The following C4orf51 variants were observed in gnomAD, a reference collection of about 807,000 sequenced individuals.
C4orf51 encodes the protein chromosome 4 open reading frame 51, also known as uncharacterized protein C4orf51.
Under a neutral mutation model 25.2 loss-of-function variants are expected in C4orf51, and 25 were observed. The observed-to-expected ratio is 0.99, with a 90% CI of 0.72 to 1.39. The LOEUF is 1.39. Among genes scored for constraint, C4orf51 ranks in the 40% most tolerant of loss-of-function variants. The probability of loss-of-function intolerance (pLI) is 0.00; values close to 1 mark genes in which losing one functional copy is unlikely to be tolerated. For missense variants in C4orf51, 252 were observed against 239.6 expected (o/e 1.05, Z -0.34); for synonymous variants, 100 against 84.5 (o/e 1.18, Z -1.01).
At chr4:145,769,074 A>G (rs1380407275) in intron 1 of C4orf51, among the ~76,000 whole-genome samples, 1 of 151,248 alleles carries the variant, frequency 6.6e-6, no homozygotes, top group Non-Finnish European at 1.5e-5. Flanking sequence ...AGAAATATGT[A>G]CCCACTTACA....
intron 2 of C4orf51, among the ~76,000 whole-genome samples, chr4:145,710,730 T>C (rs1425285945): frequency 6.6e-6 from 1 of 152,040 alleles, no homozygotes; most frequent in African/African-American, 2.4e-5. Flanking sequence ...ATTATTATTT[T>C]AGAGAGACAG....
chr4:145,735,247 T>C (rs6823985), downstream of C4orf51, among the ~76,000 whole-genome samples: 18,325 of 152,056 alleles, frequency 0.12, 1,444 homozygotes, highest in East Asian at 0.38. Flanking sequence ...GAAAAGATTG[T>C]CAGATGCCAG....
chr4:145,787,693 AT>A, the C4orf51 span, among the ~76,000 whole-genome samples: 4 of 152,014 alleles, frequency 2.6e-5, no homozygotes, highest in Non-Finnish European at 5.9e-5. Context: ...GTCTCCAAAA[AT>A]TTTTATTAAT....
intron 2 of C4orf51, among the ~76,000 whole-genome samples, chr4:145,726,592 G>T (rs1295337589): frequency 6.6e-6 from 1 of 152,024 alleles, no homozygotes; most frequent in Non-Finnish European, 1.5e-5. Context: ...TATTTGTAGA[G>T]ACGGGGGTCT....
At chr4:145,683,848 A>C (rs1311334974) in intron 1 of C4orf51, among the ~76,000 whole-genome samples, 1 of 152,228 alleles carries the variant, frequency 6.6e-6, no homozygotes, top group Non-Finnish European at 1.5e-5. Context: ...TGGCAATGAT[A>C]TTTTAGATAC....
intron 1 of C4orf51, chr4:145,764,662 C>T (rs1291288902): frequency 3.0e-6 from 1 of 328,076 alleles, no homozygotes; most frequent in Non-Finnish European, 5.7e-6. Flanking sequence ...GACACTAAGC[C>T]CTGAGTCCAT....
intron 1 of C4orf51, among the ~76,000 whole-genome samples, chr4:145,749,721 A>C (rs1326743877): frequency 2.6e-5 from 4 of 151,498 alleles, no homozygotes; most frequent in Non-Finnish European, 5.9e-5. Context: ...GCAACCTCCA[A>C]CTCCCGGGTT....
rs144958102 is a variant in C4orf51, at chr4:145,765,636, T to G, written n.167-5352T>G. On this transcript the variant is annotated intron_variant and non_coding_transcript_variant, in intron 1 of 1. Transcript: ENST00000510096. This position sits in a 1 kb window ranked among gnomAD's most constrained non-coding sequence, Gnocchi z 4.7. ...CAGATTGTTCCCGCCCTTGTTTTTC[T>G]GGGAGCCATCTGAATCATCTTTGCT... 2.4e-5 allele frequency: 38 copies of G among 1,614,032 alleles called. No homozygotes were observed. Among genetic ancestry groups the G allele is most frequent in the Non-Finnish European group, 3.2e-5 (38 of 1,180,032 alleles).
At chr4:145,691,631 TG>T (rs1249776845) in intron 1 of C4orf51, among the ~76,000 whole-genome samples, 1 of 152,198 alleles carries the variant, frequency 6.6e-6, no homozygotes, top group East Asian at 1.9e-4. Flanking sequence ...AATGAAATAA[TG>T]TCCTTTGTAG....
chr4:145,711,422 C>T (rs1731120966), intron 2 of C4orf51, among the ~76,000 whole-genome samples: 3 of 152,172 alleles, frequency 2.0e-5, no homozygotes, highest in African/African-American at 7.2e-5. Context: ...TTTTTATCTT[C>T]ATGTACCTGG....
At chr4:145,764,832 C>T in intron 1 of C4orf51, 1 of 960,406 alleles carries the variant, frequency 1.0e-6, no homozygotes, top group East Asian at 2.5e-5. Context: ...CTAATTCAAT[C>T]CAGCTAAAGG....
chr4:145,754,179 A>G (rs1733823745), intron 1 of C4orf51: 1 of 152,090 alleles, frequency 6.6e-6, no homozygotes. Flanking sequence ...CATCTCACAG[A>G]CTCACCTTAT....
intron 1 of C4orf51, among the ~76,000 whole-genome samples, chr4:145,681,634 T>C (rs1728844262): frequency 6.6e-6 from 1 of 152,186 alleles, no homozygotes; most frequent in Admixed American, 6.5e-5. Context: ...TTTATTTGGC[T>C]CAGGGTTATT....
chr4:145,752,455 C>G (rs907920761), intron 1 of C4orf51, among the ~76,000 whole-genome samples: 3 of 152,202 alleles, frequency 2.0e-5, no homozygotes, highest in Non-Finnish European at 4.4e-5. Flanking sequence ...GAGCTAGGGC[C>G]TGGAATCGGC....
chr4:145,746,707 G>C (rs1051674020), intron 1 of C4orf51, among the ~76,000 whole-genome samples: 1 of 151,964 alleles, frequency 6.6e-6, no homozygotes, highest in African/African-American at 2.4e-5. Flanking sequence ...GTCTTTTGTG[G>C]TTCTATATAC....
At chr4:145,716,240 C>T (rs1198135295) in intron 2 of C4orf51, among the ~76,000 whole-genome samples, 1 of 152,122 alleles carries the variant, frequency 6.6e-6, no homozygotes. Flanking sequence ...TCATGGTGAC[C>T]TGGGACACAG....
At chr4:145,705,497 T>C (rs1157158200) in intron 2 of C4orf51, among the ~76,000 whole-genome samples, 1 of 151,818 alleles carries the variant, frequency 6.6e-6, no homozygotes, top group Non-Finnish European at 1.5e-5. Flanking sequence ...CCCCAATTCT[T>C]TGGGGAAAAT....
At chr4:145,757,320 G>A (rs980724640), downstream of C4orf51, among the ~76,000 whole-genome samples, 4 of 152,192 alleles carry the variant, frequency 2.6e-5, no homozygotes, top group Non-Finnish European at 5.9e-5. Context: ...TTAAGCAGGA[G>A]AGGATAGGGC....
chr4:145,728,037 AATAT>A (rs61359065), intron 3 of C4orf51, among the ~76,000 whole-genome samples: 1 of 123,326 alleles, frequency 8.1e-6, no homozygotes, highest in African/African-American at 3.3e-5. Context: ...TATTATATAT[AATAT>A]ATATATACAC....
Sources: allele counts gnomAD v4.1 joint callset (sites outside exome capture counted in the v4.1 genomes callset), GRCh38; gene constraint gnomAD v4.1.1; non-coding constraint Gnocchi (gnomAD v3.1); transcripts MANE v1.5; gene names NCBI Gene and HGNC (gene_info 2026-07-23, HGNC 2026-07-21).